Variants in CUX1 observed in about 807,000 individuals in gnomAD.
The protein encoded by CUX1 is protein CASP.
In CUX1, 31 loss-of-function variants were observed where a neutral mutation model predicts 158.8. The ratio of observed to expected loss-of-function variants is 0.20; its 90% confidence interval spans 0.15 to 0.26. The LOEUF is 0.26. Among genes scored for constraint, CUX1 ranks in the 10% least tolerant of loss-of-function variants. The pLI is 1.00. For synonymous variants in CUX1, 879 were observed against 862.1 expected (o/e 1.02, Z -0.34); for missense variants, 1,589 against 2,014.6 (o/e 0.79, Z 4.04).
intron 1 of CUX1, among the ~76,000 whole-genome samples, chr7:101,857,670 C>T (rs1310996681): frequency 6.6e-6 from 1 of 152,208 alleles, no homozygotes; most frequent in South Asian, 2.1e-4. Context: ...TTTGCCAGGC[C>T]GTCACCCCTC....
intron 14 of CUX1, among the ~76,000 whole-genome samples, chr7:102,268,897 A>T (rs975548202): frequency 1.3e-5 from 2 of 150,814 alleles, no homozygotes; most frequent in South Asian, 4.2e-4. Flanking sequence ...TGTCCCCCAA[A>T]CACCTCCCAC....
At chr7:102,102,532 C>A (rs1699622701) in intron 5 of CUX1, among the ~76,000 whole-genome samples, 1 of 151,792 alleles carries the variant, frequency 6.6e-6, no homozygotes, top group Non-Finnish European at 1.5e-5. Context: ...GTCCGTGCAG[C>A]TCAGGGAGCA....
At chr7:101,928,946 A>T (rs992657465) in intron 2 of CUX1, among the ~76,000 whole-genome samples, 1 of 151,862 alleles carries the variant, frequency 6.6e-6, no homozygotes, top group Non-Finnish European at 1.5e-5. Flanking sequence ...CTGAGATTAC[A>T]GGCGTGAGCC....
rs959828884 is a variant in CUX1, at chr7:102,252,142, A to G, written c.*3100A>G. 4 of 984,832 alleles carry G rather than the reference A, an allele frequency of 4.1e-6. 1 individual carries two copies. The highest frequency in any genetic ancestry group is 6.2e-5 in the Admixed American group (1 of 16,252). The allele number at this position is 984,832 out of a possible 1,614,324, so 61.0% of individuals were successfully genotyped here. ...ATTTATTTTTTTAAAAAAAATAGAG[A>G]TCCTAACCTTAGATCTTTGATGTGA... is the stretch of plus-strand genomic sequence containing the variant. On this transcript the variant is annotated 3_prime_UTR_variant, in exon 24 of 24. Coordinates refer to ENST00000292535, the MANE Select transcript of CUX1 (RefSeq NM_181552.4).
chr7:102,204,340 GTCA>G (rs781889483), intron 18 of CUX1, 48 bp from the exon 19 acceptor site: 2 of 1,600,358 alleles, frequency 1.2e-6, no homozygotes, highest in Admixed American at 3.4e-5. Context: ...CATCTGTGGT[GTCA>G]TGCTAATAGC....
chr7:102,262,667 GGGACT>G (rs1790492105), downstream of CUX1, among the ~76,000 whole-genome samples: 1 of 152,260 alleles, frequency 6.6e-6, no homozygotes, highest in African/African-American at 2.4e-5. Flanking sequence ...GTGATGGGGT[GGGACT>G]GAGCCGTGGT....
intron 2 of CUX1, among the ~76,000 whole-genome samples, chr7:101,990,668 C>T (rs1325336947): frequency 3.9e-5 from 6 of 152,102 alleles, no homozygotes; most frequent in Non-Finnish European, 7.4e-5. Context: ...TGAGTCACCG[C>T]GCCTGGCCCA....
chr7:101,888,893 A>C (rs1800545131), intron 1 of CUX1, among the ~76,000 whole-genome samples: 1 of 152,046 alleles, frequency 6.6e-6, no homozygotes, highest in African/African-American at 2.4e-5. Context: ...CCTTGCCAAG[A>C]GATGGTCATT....
intron 2 of CUX1, among the ~76,000 whole-genome samples, chr7:101,929,275 A>G (rs1354001992): frequency 6.6e-6 from 1 of 152,230 alleles, no homozygotes; most frequent in Non-Finnish European, 1.5e-5. Context: ...GAACAGATAC[A>G]GTAAAATTAA....
intron 2 of CUX1, among the ~76,000 whole-genome samples, chr7:101,998,283 G>A (rs757194465): frequency 7.9e-5 from 12 of 151,964 alleles, no homozygotes; most frequent in African/African-American, 2.7e-4. Context: ...AGGGCTGTGC[G>A]TGGGCTGCAG....
In CUX1 at chr7:102,105,581, C is replaced by T. The variant is rs909262345; in HGVS notation, c.530+1122C>T. Among the ~76,000 whole-genome samples, 8 of 140,430 alleles carry T rather than the reference C, an allele frequency of 5.7e-5. 1 individual carries two copies. The highest frequency in any genetic ancestry group is 2.3e-4 in the Admixed American group (3 of 12,860). The allele number at this position is 140,430 out of a possible 152,430, so 92.1% of individuals were successfully genotyped here. A position where few individuals can be genotyped will look rare whatever the true frequency, so the allele number is the denominator to read the frequency against. On this transcript the variant is annotated intron_variant, in intron 6 of 23. Transcript: ENST00000292535. ...AGGCTGGAGTGCAATGGCGCAATCT[C>T]GGCTCACTGCAACCTCCGCCTCCTG...
chr7:101,879,149 G>C (rs182826871), intron 1 of CUX1, among the ~76,000 whole-genome samples: 1 of 152,146 alleles, frequency 6.6e-6, no homozygotes, highest in Non-Finnish European at 1.5e-5. Context: ...AGCATATCTT[G>C]AGGACACTGT....
chr7:102,122,277 A>G (rs1281408520), intron 8 of CUX1, among the ~76,000 whole-genome samples: 1 of 152,214 alleles, frequency 6.6e-6, no homozygotes, highest in Admixed American at 6.5e-5. Flanking sequence ...CCCTAAAAAT[A>G]GAGAAGCAGC....
In CUX1 at chr7:101,918,470, G is replaced by A. The variant is rs1584978042; in HGVS notation, c.141+2245G>A. 3.3e-5 allele frequency among the ~76,000 whole-genome samples: 5 copies of A among 152,374 alleles called. No individual in the cohort carries two copies. The South Asian group carries it at 8.3e-4, about 25-fold the overall frequency. ...TGGAGAAAGGGGCTAGAACCCACCA[G>A]GAAGGGGAGGCAGATGATGGAAGGT... is the stretch of plus-strand genomic sequence containing the variant. On this transcript the variant is annotated intron_variant, in intron 2 of 23. Transcript: ENST00000292535.
intron 4 of CUX1, among the ~76,000 whole-genome samples, chr7:102,072,322 T>C (rs1223234803): frequency 6.6e-6 from 1 of 152,142 alleles, no homozygotes; most frequent in East Asian, 1.9e-4. Context: ...GTCTGATCAG[T>C]TGCAGAAAGC....
At chr7:102,183,914 T>A (rs1401948465) in intron 11 of CUX1, among the ~76,000 whole-genome samples, 3 of 152,214 alleles carry the variant, frequency 2.0e-5, no homozygotes, top group Non-Finnish European at 4.4e-5. Context: ...TGCTGTTTTT[T>A]TGAGACAGGG....
intron 3 of CUX1, among the ~76,000 whole-genome samples, chr7:102,039,465 G>A (rs1821803257): frequency 6.6e-6 from 1 of 152,078 alleles, no homozygotes; most frequent in African/African-American, 2.4e-5. Flanking sequence ...ACCAGCCTTG[G>A]CAACGTAGTG....
intron 4 of CUX1, among the ~76,000 whole-genome samples, chr7:102,077,777 G>T (rs940378482): frequency 2.0e-5 from 3 of 152,032 alleles, no homozygotes; most frequent in African/African-American, 7.2e-5. Flanking sequence ...TTGCATAGCT[G>T]GAATTTTACT....
chr7:102,126,704 CAG>C (rs755044164), intron 8 of CUX1, among the ~76,000 whole-genome samples: 97 of 152,306 alleles, frequency 6.4e-4, no homozygotes, highest in Middle Eastern at 3.4e-3. Context: ...TTGTTGGCAA[CAG>C]GGACCAGTTT....
Sources: gnomAD v4.1 joint callset for allele counts (sites outside exome capture counted in the v4.1 genomes callset) on GRCh38, gnomAD v4.1.1 for gene constraint, MANE v1.5 for transcripts, NCBI Gene and HGNC (gene_info 2026-07-23, HGNC 2026-07-21) for gene names.